Variants in NCK2 observed in about 807,000 individuals in gnomAD.
NCK2 encodes cytoplasmic protein NCK2.
NCK2 carries 16 observed loss-of-function variants against 33.9 expected under a neutral mutation model. That is an observed-to-expected ratio of 0.47 (90% CI 0.32 to 0.72). The LOEUF is 0.72. NCK2 is among the 30% of genes least tolerant of loss of function. The pLI is 0.03. For synonymous variants in NCK2, 273 were observed against 239.9 expected (o/e 1.14, Z -1.27); for missense variants, 418 against 537.3 (o/e 0.78, Z 2.19).
chr2:105,774,915 C>T (rs1219242628), intron 1 of NCK2, among the ~76,000 whole-genome samples: 1 of 152,084 alleles, frequency 6.6e-6, no homozygotes, highest in Admixed American at 6.5e-5. Flanking sequence ...ATTACCAGTC[C>T]AGGCACCGGT....
At chr2:105,882,183 T>C in intron 4 of NCK2, 134 bp downstream of exon 4, 2 of 1,075,202 alleles carry the variant, frequency 1.9e-6, no homozygotes, top group African/African-American at 1.6e-5. Context: ...TGCAATTTAG[T>C]ATAATGTTTG....
chr2:105,884,798 C>A (rs1002273652), intron 4 of NCK2, among the ~76,000 whole-genome samples: 1 of 152,206 alleles, frequency 6.6e-6, no homozygotes, highest in African/African-American at 2.4e-5. Flanking sequence ...CCTTCCATTT[C>A]TTCCTCCTCC....
At chr2:105,824,920 G>A (rs368435827) in intron 2 of NCK2, among the ~76,000 whole-genome samples, 10 of 152,208 alleles carry the variant, frequency 6.6e-5, no homozygotes, top group African/African-American at 2.4e-4. Context: ...AGTAAGATCA[G>A]GAGCCCATCT....
chr2:105,749,915 A>G (rs550321888), intron 1 of NCK2, among the ~76,000 whole-genome samples: 86 of 152,154 alleles, frequency 5.7e-4, no homozygotes, highest in African/African-American at 2.0e-3. Flanking sequence ...CTGTAATCCC[A>G]GCTACTCGGG....
At chr2:105,869,737 T>C (rs1677920392) in intron 3 of NCK2, among the ~76,000 whole-genome samples, 1 of 152,204 alleles carries the variant, frequency 6.6e-6, no homozygotes, top group Non-Finnish European at 1.5e-5. Context: ...TTGTACACTC[T>C]TTTGCATATT....
rs892148645 is a variant in NCK2, at chr2:105,798,942, G to A, written c.-200-17488G>A. Among the ~76,000 whole-genome samples, 9 of 152,192 alleles carry A rather than the reference G, an allele frequency of 5.9e-5. 1 individual carries two copies. Among genetic ancestry groups the A allele is most frequent in the African/African-American group, 2.2e-4 (9 of 41,434 alleles). ...CACACTTTCTGATCTCCAGTGGTCTGAAAGGTGAGAGGTGATATCTTAGTA... is the reference window on the plus strand; with the variant it reads ...CACACTTTCTGATCTCCAGTGGTCTAAAAGGTGAGAGGTGATATCTTAGTA... On this transcript the variant is annotated intron_variant, in intron 1 of 4. Coordinates refer to ENST00000233154, the MANE Select transcript of NCK2 (RefSeq NM_003581.5).
chr2:105,819,189 T>TG (rs1182393042), intron 2 of NCK2, among the ~76,000 whole-genome samples: 1 of 152,144 alleles, frequency 6.6e-6, no homozygotes, highest in Non-Finnish European at 1.5e-5. Flanking sequence ...GGTCCCCTCA[T>TG]GCATTCATAG....
chr2:105,745,399 G>A (rs1341115833), intron 1 of NCK2, among the ~76,000 whole-genome samples: 2 of 151,820 alleles, frequency 1.3e-5, no homozygotes, highest in African/African-American at 4.8e-5. Context: ...CGGCCCAGGG[G>A]CGGGGACGCC....
intron 1 of NCK2, among the ~76,000 whole-genome samples, chr2:105,751,222 C>T (rs1689443890): frequency 6.6e-6 from 1 of 152,256 alleles, no homozygotes; most frequent in Non-Finnish European, 1.5e-5. Flanking sequence ...TTCCCCATCA[C>T]CGACTCACTC....
intron 1 of NCK2, among the ~76,000 whole-genome samples, chr2:105,757,707 C>T (rs1326185876): frequency 6.6e-6 from 1 of 152,210 alleles, no homozygotes; most frequent in Non-Finnish European, 1.5e-5. Context: ...TCTTAATTAA[C>T]AAGTATGGAA....
At chr2:105,792,981 C>T (rs535892530) in intron 1 of NCK2, among the ~76,000 whole-genome samples, 2 of 152,144 alleles carry the variant, frequency 1.3e-5, no homozygotes, top group Non-Finnish European at 2.9e-5. Flanking sequence ...TCTCACCAAC[C>T]GAGTCAGCTT....
intron 3 of NCK2, among the ~76,000 whole-genome samples, chr2:105,865,046 G>T (rs1257377169): frequency 6.6e-6 from 1 of 152,162 alleles, no homozygotes; most frequent in East Asian, 1.9e-4. Context: ...AGGGCCGCAG[G>T]CTCCCTCAGC....
intron 4 of NCK2, among the ~76,000 whole-genome samples, chr2:105,882,345 A>G (rs777799501): frequency 6.6e-6 from 1 of 152,018 alleles, no homozygotes; most frequent in African/African-American, 2.4e-5. Context: ...CTCAAACATC[A>G]TTTTCTCTCC....
intron 2 of NCK2, among the ~76,000 whole-genome samples, chr2:105,848,997 G>A (rs1026525094): frequency 7.2e-5 from 11 of 152,164 alleles, no homozygotes; most frequent in African/African-American, 2.4e-4. Flanking sequence ...ATGCACACAT[G>A]TGCACATATG....
At chr2:105,844,747 GA>G (rs1482222701) in intron 2 of NCK2, among the ~76,000 whole-genome samples, 1 of 133,620 alleles carries the variant, frequency 7.5e-6, no homozygotes, top group Non-Finnish European at 1.6e-5. Context: ...GGCGGGGGGG[GA>G]TATATATATA....
chr2:105,854,999 A>C (rs1370836691), intron 2 of NCK2, 49 bp from the exon 3 acceptor site: 1 of 1,407,906 alleles, frequency 7.1e-7, no homozygotes, highest in Non-Finnish European at 1.0e-6. Context: ...CAAAGGATGA[A>C]GTGTCCGGGT....
At chr2:105,871,554 G>A (rs1678008941) in intron 3 of NCK2, among the ~76,000 whole-genome samples, 1 of 151,760 alleles carries the variant, frequency 6.6e-6, no homozygotes, top group Non-Finnish European at 1.5e-5. Context: ...GGAGTGCAGT[G>A]GCGCGATCTC....
chr2:105,826,514 A>C (rs1292208018), intron 2 of NCK2, among the ~76,000 whole-genome samples: 1 of 152,202 alleles, frequency 6.6e-6, no homozygotes, highest in African/African-American at 2.4e-5. Context: ...AAACTTAAAG[A>C]GACTTATATA....
At chr2:105,785,358 G>A (rs1690640781) in intron 1 of NCK2, among the ~76,000 whole-genome samples, 1 of 152,178 alleles carries the variant, frequency 6.6e-6, no homozygotes. Context: ...CCCCCGTCCT[G>A]GCCAAGGAGG....
Sources: allele counts gnomAD v4.1 joint callset (sites outside exome capture counted in the v4.1 genomes callset), GRCh38; gene constraint gnomAD v4.1.1; transcripts MANE v1.5; gene names NCBI Gene and HGNC (gene_info 2026-07-23, HGNC 2026-07-21).